LPO: variants seen among roughly 807,000 people sequenced by gnomAD.
The protein encoded by LPO is salivary peroxidase.
A neutral mutation model predicts 68.4 loss-of-function variants in LPO; 70 were observed. The observed-to-expected ratio is 1.02, with a 90% CI of 0.84 to 1.25. The LOEUF is 1.25. Among genes scored for constraint, LPO ranks in the 50% most tolerant of loss-of-function variants. The pLI, the probability that LPO is intolerant of heterozygous loss-of-function variation, is 0.00. For synonymous variants in LPO, 360 were observed against 357.6 expected, an observed-to-expected ratio of 1.01 and a Z score of -0.08; for missense variants, 873 against 908.4, an observed-to-expected ratio of 0.96 and a Z score of 0.50.
rs1970309131 is a variant in LPO, at chr17:58,268,018, T to A, written c.*24T>A. On this transcript the variant is annotated 3_prime_UTR_variant, in exon 13 of 13. Transcript: ENST00000262290. Reference sequence around the variant, plus strand: ...AGGGGCCCGCGCTGCACAGGAAAGTTCCCTTTGGTCCACAGGGCCATTTCA... The same window carrying A: ...AGGGGCCCGCGCTGCACAGGAAAGTACCCTTTGGTCCACAGGGCCATTTCA... 6.2e-7 allele frequency: 1 copy of A among 1,610,966 alleles called. No homozygotes were observed. Among genetic ancestry groups the A allele is most frequent in the African/African-American group, 1.3e-5 (1 of 74,936 alleles).
chr17:58,249,785 C>A (rs753881424), intron 6 of LPO, 90 bp downstream of exon 6: 74 of 1,445,412 alleles, frequency 5.1e-5, no homozygotes, highest in Non-Finnish European at 6.4e-5. Flanking sequence ...GAGGAGGGAT[C>A]GGTGGGGGCA....
chr17:58,254,539 T>G (rs1970031419), intron 8 of LPO: 1 of 304,134 alleles, frequency 3.3e-6, no homozygotes, highest in Non-Finnish European at 6.1e-6. Context: ...TAGGCTTTAT[T>G]CTCATTTTCA....
chr17:58,263,237 G>C (rs547606841), intron 9 of LPO, among the ~76,000 whole-genome samples: 1 of 152,154 alleles, frequency 6.6e-6, no homozygotes, highest in Non-Finnish European at 1.5e-5. Context: ...AGGAGAATCT[G>C]TAATTGATTA....
Position 58,264,751 on chromosome 17 carries a change from T to G in LPO, c.1296T>G (p.Ile432Met). Reference protein sequence around the residue: ...QIITFRDYLPILLGDHMQKWI... With the variant: ...QIITFRDYLPMLLGDHMQKWI... ...TCACCTTTAGGGACTACCTACCCAT[T>G]TTGCTAGGTGACCACATGCAGAAGT... Residue 432 changes from isoleucine to methionine, a missense_variant, in exon 10 of 13, where the codon ATT becomes ATG. Transcript: ENST00000262290. 1 of 1,614,104 alleles carries G rather than the reference T, an allele frequency of 6.2e-7. No individual in the cohort carries two copies. Among genetic ancestry groups the G allele is most frequent in the Non-Finnish European group, 8.5e-7 (1 of 1,179,972 alleles).
rs1970314640 is a variant in LPO at position 58,268,263 on chromosome 17, T to C, written c.*269T>C. On this transcript the variant is annotated 3_prime_UTR_variant, in exon 13 of 13. Coordinates refer to ENST00000262290, the MANE Select transcript of LPO (RefSeq NM_006151.3). ...CTGCTCCAGCTTGCTGGATGTTACC[T>C]GTCCTCTTCCCTCCACAAGTCTTGG... The C allele has an allele frequency of 2.1e-6, 1 of 486,650 alleles. No homozygotes were observed. The highest frequency in any genetic ancestry group is 3.8e-6 in the Non-Finnish European group (1 of 266,500). 30.1% of individuals were successfully genotyped at this position (486,650 alleles called of 1,614,324 possible). A position where few individuals can be genotyped will look rare whatever the true frequency, so the allele number is the denominator to read the frequency against.
Position 58,250,614 on chromosome 17 carries a change from C to T in LPO, c.773C>T (p.Pro258Leu), listed in dbSNP as rs372324686. 122 of 1,613,882 alleles carry T rather than the reference C, an allele frequency of 7.6e-5. No homozygotes were observed. The highest frequency in any genetic ancestry group is 1.0e-4 in the Non-Finnish European group (118 of 1,180,006). Residue 258 changes from proline to leucine, a missense_variant, in exon 7 of 13, where the codon CCC (proline) becomes CTC (leucine). Coordinates refer to ENST00000262290, the MANE Select transcript of LPO (RefSeq NM_006151.3). ...EYCIQGDNCFPIMFPPNDPKA... is the reference protein window; with the variant it reads ...EYCIQGDNCFLIMFPPNDPKA... ...TGTATCCAGGGAGACAACTGCTTCC[C>T]CATCATGGTACGGCCCTGCAGCTAG...
chr17:58,263,229 G>C (rs928812920), intron 9 of LPO, among the ~76,000 whole-genome samples: 3 of 152,102 alleles, frequency 2.0e-5, no homozygotes, highest in Non-Finnish European at 1.5e-5. Flanking sequence ...TTTGTTTCAG[G>C]AGAATCTGTA....
intron 5 of LPO, 191 bp from the exon 6 acceptor site, chr17:58,249,375 G>A: frequency 1.0e-6 from 1 of 983,062 alleles, no homozygotes. Flanking sequence ...TCTGGAAGCG[G>A]CACCTTTCCC....
At chr17:58,266,532 C>G (rs1328827672) in intron 11 of LPO, among the ~76,000 whole-genome samples, 14 of 152,094 alleles carry the variant, frequency 9.2e-5, no homozygotes, top group Non-Finnish European at 2.1e-4. Flanking sequence ...GCGATCACAG[C>G]TCACAGCAGC....
intron 8 of LPO, among the ~76,000 whole-genome samples, chr17:58,253,295 T>C (rs900223688): frequency 8.5e-5 from 13 of 152,210 alleles, no homozygotes; most frequent in African/African-American, 3.1e-4. Context: ...TGGTATTTCA[T>C]GACACATATT....
intron 7 of LPO, chr17:58,251,398 G>A (rs534484095): frequency 6.3e-6 from 1 of 158,454 alleles, no homozygotes; most frequent in South Asian, 1.9e-4. Flanking sequence ...ACATGATAAA[G>A]TTTATACTGC....
At chr17:58,244,786 G>A (rs1037526116) in intron 3 of LPO, among the ~76,000 whole-genome samples, 13 of 152,184 alleles carry the variant, frequency 8.5e-5, no homozygotes, top group South Asian at 2.1e-4. Flanking sequence ...AGAAGCAGGC[G>A]CCCAACAAGG....
At chr17:58,251,939 C>T (rs1329006425) in intron 7 of LPO, 2 of 726,416 alleles carry the variant, frequency 2.8e-6, no homozygotes, top group Non-Finnish European at 5.1e-6. Flanking sequence ...AAATTTGGAG[C>T]CCTCACTGTG....
At chr17:58,243,100 G>A in intron 2 of LPO, 45 bp downstream of exon 2, 3 of 1,564,866 alleles carry the variant, frequency 1.9e-6, no homozygotes, top group Non-Finnish European at 1.8e-6. Context: ...CTGTCACAAA[G>A]CACACCAACT....
chr17:58,252,193 T>C lies in LPO; in HGVS notation c.792T>C (p.Asn264=), dbSNP rs201473992. 1.9e-6 allele frequency: 3 copies of C among 1,613,828 alleles called. No individual in the cohort carries two copies. Among genetic ancestry groups the C allele is most frequent in the East Asian group, 2.2e-5 (1 of 44,878 alleles). The change falls in exon 8 of 13, where the codon AAT becomes AAC. Residue 264 remains asparagine (N), a synonymous_variant. Transcript: ENST00000262290. The stretch of plus-strand genomic sequence containing the variant: ...CACTCTCTCTGCAGTTCCCACCCAA[T>C]GACCCCAAGGCGGGGACTCAAGGGA... ...DNCFPIMFPP[N]DPKAGTQGKC... is the part of the protein sequence containing the mutation.
intron 1 of LPO, among the ~76,000 whole-genome samples, chr17:58,239,644 C>T (rs562489437): frequency 5.6e-4 from 86 of 152,230 alleles, no homozygotes; most frequent in Non-Finnish European, 7.2e-4. Flanking sequence ...CATCCCTTCT[C>T]AGGCCTTCCC....
chr17:58,250,617 T>C lies in LPO; in HGVS notation c.776T>C (p.Ile259Thr). Residue 259 changes from isoleucine to threonine, a missense_variant, in exon 7 of 13, where the codon ATC becomes ACC. Physicochemically the swap from Ile to Thr is moderately conservative, Grantham distance 89. Coordinates refer to ENST00000262290, the MANE Select transcript of LPO (RefSeq NM_006151.3). ...YCIQGDNCFP[I>T]MFPPNDPKAG... is the part of the protein sequence containing the mutation. The stretch of plus-strand genomic sequence containing the variant: ...ATCCAGGGAGACAACTGCTTCCCCA[T>C]CATGGTACGGCCCTGCAGCTAGGCA... 1 of 1,613,992 alleles carries C rather than the reference T, an allele frequency of 6.2e-7. No individual in the cohort carries two copies. The highest frequency in any genetic ancestry group is 8.5e-7 in the Non-Finnish European group (1 of 1,180,002).
chr17:58,261,819 G>A (rs192677456), intron 9 of LPO, among the ~76,000 whole-genome samples: 232 of 152,206 alleles, frequency 1.5e-3, no homozygotes, highest in South Asian at 3.3e-3. Context: ...GGATAGATAG[G>A]TAGATAGATA....
intron 9 of LPO, among the ~76,000 whole-genome samples, chr17:58,255,253 T>C (rs1434789075): frequency 6.6e-6 from 1 of 152,238 alleles, no homozygotes; most frequent in Non-Finnish European, 1.5e-5. Flanking sequence ...TTACTGGGAC[T>C]GTAGGCTCCT....
Sources: allele counts gnomAD v4.1 joint callset (sites outside exome capture counted in the v4.1 genomes callset), GRCh38; gene constraint gnomAD v4.1.1; transcripts MANE v1.5; gene names NCBI Gene and HGNC (gene_info 2026-07-23, HGNC 2026-07-21).